SPATS2: variants seen among roughly 807,000 people sequenced by gnomAD.
SPATS2 encodes spermatogenesis-associated serine-rich protein 2.
Under a neutral mutation model 63.7 loss-of-function variants are expected in SPATS2, and 38 were observed. The observed-to-expected ratio is 0.60, with a 90% CI of 0.46 to 0.78. The LOEUF (loss-of-function observed/expected upper bound fraction) is 0.78, where lower values mean the gene tolerates loss of function less well. Among genes scored for constraint, SPATS2 ranks in the 30% least tolerant of loss-of-function variants. The probability of loss-of-function intolerance (pLI) is 0.00; values close to 1 mark genes in which losing one functional copy is unlikely to be tolerated. For synonymous variants in SPATS2, 207 were observed against 232.9 expected, an observed-to-expected ratio of 0.89 and a Z score of 1.01; for missense variants, 588 against 666.2, an observed-to-expected ratio of 0.88 and a Z score of 1.29.
At chr12:49,504,733 C>T (rs1465514018) in intron 9 of SPATS2, among the ~76,000 whole-genome samples, 4 of 12,188 alleles carry the variant, frequency 3.3e-4, no homozygotes, top group South Asian at 5.5e-3. Flanking sequence ...TTTATTGGCG[C>T]GTTTTTTTTT....
chr12:49,527,371 A>T lies in SPATS2; in HGVS notation c.*1116A>T, dbSNP rs912438440. On this transcript the variant is annotated 3_prime_UTR_variant, in exon 14 of 14. Transcript: ENST00000552918. ...AATCTAAGGCATTACTCATCAAAAA[A>T]ATTGCTGCAGTCTTTACAGTTGAAT... 2 of 152,178 alleles carry T rather than the reference A, an allele frequency of 1.3e-5. No individual in the cohort carries two copies. Among genetic ancestry groups the T allele is most frequent in the Admixed American group, 6.5e-5 (1 of 15,270 alleles). The allele number at this position is 152,178 out of a possible 1,614,324, so 9.4% of individuals were successfully genotyped here.
intron 2 of SPATS2, among the ~76,000 whole-genome samples, chr12:49,460,378 C>T (rs1023679109): frequency 2.0e-5 from 3 of 151,906 alleles, no homozygotes; most frequent in South Asian, 2.1e-4. Context: ...CACTTGAACC[C>T]GGGAGGCAGA....
chr12:49,436,680 G>T (rs1945303047), intron 2 of SPATS2, among the ~76,000 whole-genome samples: 1 of 137,462 alleles, frequency 7.3e-6, no homozygotes, highest in African/African-American at 2.7e-5. Context: ...AGTAGGGGCG[G>T]CCGGGCAGAG....
At chr12:49,376,303 A>C (rs1944101287) in intron 2 of SPATS2, among the ~76,000 whole-genome samples, 1 of 151,610 alleles carries the variant, frequency 6.6e-6, no homozygotes, top group Admixed American at 6.6e-5. Context: ...GGGTTTCACC[A>C]TGTTGACCAG....
At chr12:49,461,157 A>G (rs920304690) in intron 3 of SPATS2, 120 bp downstream of exon 3, 19 of 1,003,292 alleles carry the variant, frequency 1.9e-5, no homozygotes, top group Non-Finnish European at 2.7e-5. Context: ...GTATTTATGG[A>G]TATTAGATTA....
Position 49,516,758 on chromosome 12 carries a change from T to A in SPATS2, c.898+2145T>A, listed in dbSNP as rs571346634. On this transcript the variant is annotated intron_variant, in intron 10 of 13. Coordinates refer to ENST00000552918, the MANE Select transcript of SPATS2 (RefSeq NM_023071.4). ...AGAAAATTTCAGATAGCGAGGCTAA[T>A]GTAACAAATTCCCATCACTCAGCTT... is the stretch of plus-strand genomic sequence containing the variant. 1.2e-4 allele frequency among the ~76,000 whole-genome samples: 18 copies of A among 151,958 alleles called. No homozygotes were observed. In the East Asian group the frequency reaches 3.1e-3, roughly 26 times the overall value.
chr12:49,461,164 A>G, intron 3 of SPATS2, 127 bp downstream of exon 3: 1 of 973,330 alleles, frequency 1.0e-6, no homozygotes, highest in South Asian at 1.6e-5. Context: ...TGGATATTAG[A>G]TTATCGCTTT....
At chr12:49,404,312 G>A (rs1944659040) in intron 2 of SPATS2, among the ~76,000 whole-genome samples, 1 of 139,608 alleles carries the variant, frequency 7.2e-6, no homozygotes, top group African/African-American at 2.7e-5. Flanking sequence ...TTAGAGATAA[G>A]ATCTTGCTCT....
intron 3 of SPATS2, among the ~76,000 whole-genome samples, chr12:49,465,669 C>T (rs547043139): frequency 2.0e-5 from 3 of 152,196 alleles, no homozygotes; most frequent in South Asian, 2.1e-4. Flanking sequence ...ATGGGCCGGG[C>T]GCGGTGGCTC....
At chr12:49,382,002 A>T (rs112305860) in intron 2 of SPATS2, among the ~76,000 whole-genome samples, 1 of 152,312 alleles carries the variant, frequency 6.6e-6, no homozygotes, top group Non-Finnish European at 1.5e-5. Context: ...AGCAATGGAA[A>T]CTGTATGCAT....
chr12:49,402,921 T>A (rs1366065244), intron 2 of SPATS2, among the ~76,000 whole-genome samples: 1 of 152,150 alleles, frequency 6.6e-6, no homozygotes, highest in Admixed American at 6.6e-5. Context: ...AGCAATTAGA[T>A]TTCGTTTGGA....
At chr12:49,404,792 A>G (rs1203137301) in intron 2 of SPATS2, among the ~76,000 whole-genome samples, 1 of 152,144 alleles carries the variant, frequency 6.6e-6, no homozygotes, top group Non-Finnish European at 1.5e-5. Context: ...GGGTTGGTAA[A>G]CTACTGTTCA....
At chr12:49,433,400 T>C (rs1463955706) in intron 2 of SPATS2, among the ~76,000 whole-genome samples, 3 of 152,234 alleles carry the variant, frequency 2.0e-5, no homozygotes, top group Non-Finnish European at 4.4e-5. Context: ...TGACCTCAAG[T>C]GATCTGCCGA....
chr12:49,461,021 G>A lies in SPATS2; in HGVS notation c.9G>A (p.Arg3=), dbSNP rs779670720. The change falls in exon 3 of 14, where the codon AGG becomes AGA. Residue 3 remains arginine, a synonymous_variant. Transcript: ENST00000552918. The part of the protein sequence containing the change: MS[R]KQNQKDSSGF... ...AGATCGAAGAAACGACAATGTCCAG[G>A]AAACAGAACCAGAAGGGTAAGATTA... 18 of 1,613,712 alleles carry A rather than the reference G, an allele frequency of 1.1e-5. No individual in the cohort carries two copies. The highest frequency in any genetic ancestry group is 1.4e-5 in the Non-Finnish European group (17 of 1,179,930).
chr12:49,385,230 A>T (rs1944291451), intron 2 of SPATS2, among the ~76,000 whole-genome samples: 1 of 152,056 alleles, frequency 6.6e-6, no homozygotes, highest in African/African-American at 2.4e-5. Context: ...GGCAGATATT[A>T]AGCGAAGGAG....
chr12:49,487,242 T>A (rs1946310401), intron 4 of SPATS2, among the ~76,000 whole-genome samples: 1 of 152,160 alleles, frequency 6.6e-6, no homozygotes, highest in Admixed American at 6.6e-5. Context: ...ATCCCAGCAC[T>A]TTGGGAGGCC....
intron 2 of SPATS2, among the ~76,000 whole-genome samples, chr12:49,417,278 T>G (rs1944905091): frequency 6.6e-6 from 1 of 152,274 alleles, no homozygotes; most frequent in African/African-American, 2.4e-5. Context: ...AGTAACATCT[T>G]TGCAAGGGTT....
intron 2 of SPATS2, among the ~76,000 whole-genome samples, chr12:49,383,533 C>T (rs554753142): frequency 1.3e-5 from 2 of 152,114 alleles, no homozygotes; most frequent in African/African-American, 4.8e-5. Context: ...ATCTCAGCCT[C>T]CCAAGTAGCT....
intron 2 of SPATS2, among the ~76,000 whole-genome samples, chr12:49,392,916 G>T (rs914468725): frequency 3.3e-5 from 5 of 152,118 alleles, no homozygotes; most frequent in Admixed American, 3.3e-4. Flanking sequence ...GCCAGGCGTG[G>T]TGGCAGGCGC....
Sources: gnomAD v4.1 joint callset for allele counts (sites outside exome capture counted in the v4.1 genomes callset) on GRCh38, gnomAD v4.1.1 for gene constraint, MANE v1.5 for transcripts, NCBI Gene and HGNC (gene_info 2026-07-23, HGNC 2026-07-21) for gene names.